AIG1: variants seen among roughly 807,000 people sequenced by gnomAD.
The protein encoded by AIG1 is androgen induced 1, also known as androgen-induced gene 1 protein.
A neutral mutation model predicts 31.4 loss-of-function variants in AIG1; 23 were observed. The observed-to-expected ratio is 0.73, with a 90% confidence interval of 0.53 to 1.04. The LOEUF is 1.04. Ranked by LOEUF, AIG1 falls within the 50% of genes least tolerant of loss-of-function variation. AIG1 has a pLI of 0.00. For synonymous variants in AIG1, 100 were observed against 110.5 expected (o/e 0.90, Z 0.60); for missense variants, 274 against 295.0 (o/e 0.93, Z 0.52).
In AIG1 at chr6:143,097,976, C is replaced by T. The variant is rs138380399; in HGVS notation, c.141+36910C>T. 1.7e-3 allele frequency among the ~76,000 whole-genome samples: 263 copies of T among 152,258 alleles called. 1 individual carries two copies. The highest frequency in any genetic ancestry group is 6.2e-3 in the African/African-American group (256 of 41,540). ...GCATTTTATTACTCAGAGTATCTCT[C>T]CTCCCTCCTGTGTTACAGTTTTCCA... is the stretch of plus-strand genomic sequence containing the variant. On this transcript the variant is annotated intron_variant, in intron 1 of 5. Transcript: ENST00000357847.
downstream of AIG1, chr6:143,342,790 T>C: frequency 1.2e-6 from 1 of 804,482 alleles, no homozygotes; most frequent in South Asian, 1.3e-5. Context: ...ATTCTGTTTG[T>C]GGAGAGTACC....
At chr6:143,173,328 GC>G (rs1787821786) in intron 3 of AIG1, among the ~76,000 whole-genome samples, 1 of 152,202 alleles carries the variant, frequency 6.6e-6, no homozygotes, top group Non-Finnish European at 1.5e-5. Flanking sequence ...CTCCCAAAGT[GC>G]TGGGATTAAA....
chr6:143,116,338 T>G (rs1181961133), intron 1 of AIG1, among the ~76,000 whole-genome samples: 1 of 152,164 alleles, frequency 6.6e-6, no homozygotes, highest in Admixed American at 6.5e-5. Flanking sequence ...AATGATGGGT[T>G]GGGCAGGGAA....
intron 3 of AIG1, among the ~76,000 whole-genome samples, chr6:143,281,373 A>G (rs1797331233): frequency 6.6e-6 from 1 of 152,208 alleles, no homozygotes; most frequent in African/African-American, 2.4e-5. Context: ...TGCTGCAGAT[A>G]CCACAGTGAG....
intron 1 of AIG1, among the ~76,000 whole-genome samples, chr6:143,085,691 A>G (rs752023266): frequency 2.6e-5 from 4 of 152,210 alleles, no homozygotes; most frequent in Non-Finnish European, 5.9e-5. Context: ...AGGCTTGGCT[A>G]AGTGCAAACA....
At chr6:143,146,970 G>A (rs1309486686) in intron 2 of AIG1, among the ~76,000 whole-genome samples, 3 of 152,160 alleles carry the variant, frequency 2.0e-5, no homozygotes, top group African/African-American at 7.2e-5. Flanking sequence ...GTGGGAAGGT[G>A]GGAAGATGAG....
chr6:143,329,512 G>A lies in AIG1; in HGVS notation c.516-3770G>A, dbSNP rs1286558515. ...ACATAGTCTCATTTATACCCTATAA[G>A]CTCTGATTCATACAATAGTACGATG... On this transcript the variant is annotated intron_variant, in intron 4 of 5. Coordinates refer to ENST00000357847, the MANE Select transcript of AIG1 (RefSeq NM_016108.4). The surrounding 1 kb of genome is among the most constrained non-coding windows in gnomAD (Gnocchi z 4.9). Among the ~76,000 whole-genome samples, 2 of 152,132 alleles carry A rather than the reference G, an allele frequency of 1.3e-5. No homozygotes were observed. Among genetic ancestry groups the A allele is most frequent in the Non-Finnish European group, 2.9e-5 (2 of 68,036 alleles).
chr6:143,060,863 C>T, upstream of AIG1: 4 of 1,170,172 alleles, frequency 3.4e-6, no homozygotes, highest in Non-Finnish European at 3.2e-6. Context: ...CGCCCCCGCG[C>T]GCCCGGCGCC....
At chr6:143,097,260 G>A (rs781097063) in intron 1 of AIG1, among the ~76,000 whole-genome samples, 1 of 151,848 alleles carries the variant, frequency 6.6e-6, no homozygotes, top group Non-Finnish European at 1.5e-5. Context: ...GAATTTCTCA[G>A]ACATTCTGCT....
chr6:143,269,492 C>A (rs147309261), intron 3 of AIG1, among the ~76,000 whole-genome samples: 2 of 152,176 alleles, frequency 1.3e-5, no homozygotes, highest in African/African-American at 4.8e-5. Flanking sequence ...GAAAAATGCA[C>A]GCATGCCCAC....
rs114131324 is a variant in AIG1, at chr6:143,248,477, C to T, written c.400-35633C>T. ...TATGTCTCAGTTGCTCATCAGGGCT[C>T]GCTGGTTTTGCCAGTAGTGGGAGGA... On this transcript the variant is annotated intron_variant, in intron 3 of 5. Coordinates refer to ENST00000357847, the MANE Select transcript of AIG1 (RefSeq NM_016108.4). 7.8e-3 allele frequency among the ~76,000 whole-genome samples: 1,191 copies of T among 151,932 alleles called. 13 individuals are homozygous for T. The highest frequency in any genetic ancestry group is 0.028 in the African/African-American group (1,142 of 41,394).
At position 143,280,492 on chromosome 6, in the gene AIG1, T is replaced by C. The variant is rs1017805023; in HGVS notation, c.400-3618T>C. ...AACCTAAATGCCTATCAGTGACAGATTGGATAAGGAAAATGTGGTACCTGT... is the reference window on the plus strand; with the variant it reads ...AACCTAAATGCCTATCAGTGACAGACTGGATAAGGAAAATGTGGTACCTGT... On this transcript the variant is annotated intron_variant, in intron 3 of 5. Coordinates refer to ENST00000357847, the MANE Select transcript of AIG1 (RefSeq NM_016108.4). The surrounding 1 kb of genome is among the most constrained non-coding windows in gnomAD (Gnocchi z 4.1). Among the ~76,000 whole-genome samples the C allele has an allele frequency of 2.6e-5, 4 of 152,188 alleles. No homozygotes were observed. The highest frequency in any genetic ancestry group is 7.2e-5 in the African/African-American group (3 of 41,534).
At chr6:143,127,155 G>A (rs542447505) in intron 1 of AIG1, among the ~76,000 whole-genome samples, 1 of 152,274 alleles carries the variant, frequency 6.6e-6, no homozygotes, top group South Asian at 2.1e-4. Context: ...AGACCAGGTC[G>A]ATTTTTCATT....
intron 3 of AIG1, among the ~76,000 whole-genome samples, chr6:143,198,965 A>G (rs1790476856): frequency 6.6e-6 from 1 of 152,124 alleles, no homozygotes; most frequent in Non-Finnish European, 1.5e-5. Flanking sequence ...TCTTTGATAA[A>G]CCTACAAATA....
chr6:143,341,927 A>AT (rs1007598200), downstream of AIG1, among the ~76,000 whole-genome samples: 6 of 151,884 alleles, frequency 4.0e-5, no homozygotes, highest in East Asian at 1.9e-4. Context: ...GTACTAAAAA[A>AT]TTTTTTTTTG....
intron 1 of AIG1, among the ~76,000 whole-genome samples, chr6:143,065,323 G>A (rs184833791): frequency 6.6e-6 from 1 of 152,306 alleles, no homozygotes; most frequent in African/African-American, 2.4e-5. Context: ...AAGTATTTCA[G>A]AGACTATCAT....
In AIG1 at chr6:143,126,751, G is replaced by A. The variant is rs774117481; in HGVS notation, c.142-10084G>A. 2.6e-5 allele frequency among the ~76,000 whole-genome samples: 4 copies of A among 152,150 alleles called. No homozygotes were observed. The South Asian group carries it at 6.2e-4, about 24-fold the overall frequency. On this transcript the variant is annotated intron_variant, in intron 1 of 5. Coordinates refer to ENST00000357847, the MANE Select transcript of AIG1 (RefSeq NM_016108.4). ...TGTGACTGTAGGTGAAATACAGGAA[G>A]GTCTCAAGCTCACACCATTTCTCTG...
chr6:143,171,992 T>G (rs1272942758), intron 3 of AIG1, among the ~76,000 whole-genome samples: 1 of 152,200 alleles, frequency 6.6e-6, no homozygotes, highest in Non-Finnish European at 1.5e-5. Context: ...TTGAGAATTG[T>G]CCATTCATAT....
At chr6:143,129,017 C>G (rs374319698) in intron 1 of AIG1, among the ~76,000 whole-genome samples, 1 of 152,140 alleles carries the variant, frequency 6.6e-6, no homozygotes, top group Admixed American at 6.5e-5. Flanking sequence ...AATGGCTGGG[C>G]GCGGTGGCTC....
Sources: gnomAD v4.1 joint callset for allele counts (sites outside exome capture counted in the v4.1 genomes callset) on GRCh38, gnomAD v4.1.1 for gene constraint, Gnocchi (gnomAD v3.1) non-coding constraint, MANE v1.5 for transcripts, NCBI Gene and HGNC (gene_info 2026-07-23, HGNC 2026-07-21) for gene names.